The following MPPED2 variants were observed in gnomAD, a reference collection of about 807,000 sequenced individuals.
The protein encoded by MPPED2 is metallophosphoesterase MPPED2.
A neutral mutation model predicts 33.0 loss-of-function variants in MPPED2; 5 were observed. The ratio of observed to expected loss-of-function variants is 0.15; its 90% CI spans 0.08 to 0.32. The LOEUF is 0.32. MPPED2 is among the 10% of genes least tolerant of loss of function. The pLI is 1.00. For synonymous variants in MPPED2, 136 were observed against 141.9 expected (o/e 0.96, Z 0.29); for missense variants, 275 against 372.1 (o/e 0.74, Z 2.15).
At chr11:30,512,454 T>C (rs532351935) in intron 3 of MPPED2, among the ~76,000 whole-genome samples, 3 of 152,170 alleles carry the variant, frequency 2.0e-5, no homozygotes, top group Admixed American at 6.5e-5. Context: ...GAAAAGTTTA[T>C]GAAGAAGTTT....
intron 6 of MPPED2, among the ~76,000 whole-genome samples, chr11:30,403,246 C>CAAAAA (rs757620790): frequency 1.9e-5 from 2 of 107,692 alleles, no homozygotes; most frequent in Non-Finnish European, 3.6e-5. Context: ...GACTCCGTCT[C>CAAAAA]AAAAAAAAAA....
At chr11:30,432,794 A>G (rs1455583944) in intron 4 of MPPED2, among the ~76,000 whole-genome samples, 1 of 152,216 alleles carries the variant, frequency 6.6e-6, no homozygotes, top group Non-Finnish European at 1.5e-5. Context: ...GCTAAAGTAC[A>G]GGTCCCCAAC....
chr11:30,544,323 C>T (rs539492911), intron 2 of MPPED2, among the ~76,000 whole-genome samples: 2 of 152,236 alleles, frequency 1.3e-5, no homozygotes, highest in Admixed American at 6.5e-5. Context: ...TGGGTAATGG[C>T]CTTGCATTTG....
intron 4 of MPPED2, among the ~76,000 whole-genome samples, chr11:30,485,872 C>A (rs1468345676): frequency 6.6e-6 from 1 of 152,152 alleles, no homozygotes; most frequent in Admixed American, 6.5e-5. Flanking sequence ...CACAAAACAG[C>A]CTAGAAGGCA....
At chr11:30,416,375 C>T (rs796126181) in intron 5 of MPPED2, among the ~76,000 whole-genome samples, 4 of 152,198 alleles carry the variant, frequency 2.6e-5, no homozygotes, top group Admixed American at 2.6e-4. Flanking sequence ...AGAAGGAGAG[C>T]AGCACCAAGT....
chr11:30,502,507 C>G (rs1280225477), intron 3 of MPPED2, among the ~76,000 whole-genome samples: 1 of 152,188 alleles, frequency 6.6e-6, no homozygotes, highest in African/African-American at 2.4e-5. Flanking sequence ...GCTACTGCAG[C>G]TGTTGGTACA....
intron 3 of MPPED2, among the ~76,000 whole-genome samples, chr11:30,519,068 G>T (rs1429804763): frequency 6.6e-6 from 1 of 151,940 alleles, no homozygotes; most frequent in African/African-American, 2.4e-5. Flanking sequence ...ATCATTTGAG[G>T]CCAGGAGTTC....
chr11:30,504,890 A>G, intron 3 of MPPED2: 1 of 996,364 alleles, frequency 1.0e-6, no homozygotes. Flanking sequence ...CTGAGCCAGA[A>G]ACCCAGGAGA....
At chr11:30,549,134 C>G (rs7931339) in intron 2 of MPPED2, among the ~76,000 whole-genome samples, 34,873 of 152,158 alleles carry the variant, frequency 0.23, 4,320 homozygotes, top group East Asian at 0.42. Flanking sequence ...CAGTTAGCTC[C>G]CATTCAGTGT....
At chr11:30,436,637 C>T (rs1038126371) in intron 4 of MPPED2, among the ~76,000 whole-genome samples, 1 of 152,142 alleles carries the variant, frequency 6.6e-6, no homozygotes, top group South Asian at 2.1e-4. Context: ...ATTTTGTTTG[C>T]TATTATTATT....
At chr11:30,504,261 T>C (rs1237521609) in intron 3 of MPPED2, among the ~76,000 whole-genome samples, 1 of 152,130 alleles carries the variant, frequency 6.6e-6, no homozygotes, top group Non-Finnish European at 1.5e-5. Context: ...TCTATTTCAC[T>C]GAGGAATGAA....
intron 2 of MPPED2, among the ~76,000 whole-genome samples, chr11:30,575,729 C>T (rs186394778): frequency 1.2e-3 from 187 of 152,328 alleles, no homozygotes; most frequent in Admixed American, 3.7e-3. Flanking sequence ...TGTGATTCCA[C>T]AGACAGCAAC....
At chr11:30,545,941 C>T (rs930289551) in intron 2 of MPPED2, among the ~76,000 whole-genome samples, 2 of 152,274 alleles carry the variant, frequency 1.3e-5, no homozygotes, top group East Asian at 3.9e-4. Context: ...CGGCTCACTG[C>T]AACCACCTCC....
rs11031077 is a variant in MPPED2, at chr11:30,427,186, G to A, written c.537-9553C>T. ...TAAGAAAAAGAGGAAAGGTAGGTTC[G>A]GGAGTAGCTGGATTTTGTCTTGTTA... On this transcript the variant is annotated intron_variant, in intron 4 of 6. Coordinates refer to ENST00000358117, the MANE Select transcript of MPPED2 (RefSeq NM_001584.3). Among the ~76,000 whole-genome samples the A allele has an allele frequency of 0.012, 1,851 of 152,268 alleles. 124 individuals carry two copies. In the East Asian group the frequency reaches 0.21, roughly 17 times the overall value.
In MPPED2 at chr11:30,580,329, C is replaced by T. The variant is rs778963203; in HGVS notation, c.45G>A (p.Val15=). 8.1e-6 allele frequency: 13 copies of T among 1,614,020 alleles called. No individual in the cohort carries two copies. Among genetic ancestry groups the T allele is most frequent in the East Asian group, 2.2e-5 (1 of 44,874 alleles). The part of the protein sequence containing the change: ...IPSQGKVTIT[V]DEYSSNPTQA... ...GGGTGGGGTTTGAGCTGTACTCATCCACCGTTATGGTAACTTTGCCTTGAG... is the reference window on the plus strand; with the variant it reads ...GGGTGGGGTTTGAGCTGTACTCATCTACCGTTATGGTAACTTTGCCTTGAG... The change falls in exon 2 of 7, where the codon GTG becomes GTA. Residue 15 remains valine (V), a synonymous_variant. Transcript: ENST00000358117.
At chr11:30,534,928 C>T (rs965504557) in intron 3 of MPPED2, among the ~76,000 whole-genome samples, 1 of 152,010 alleles carries the variant, frequency 6.6e-6, no homozygotes, top group Non-Finnish European at 1.5e-5. Flanking sequence ...TATGCAAAAA[C>T]GTTTTAAGTC....
intron 3 of MPPED2, among the ~76,000 whole-genome samples, chr11:30,512,522 G>A (rs116643943): frequency 0.012 from 1,759 of 152,186 alleles, 29 homozygotes; most frequent in African/African-American, 0.04. Context: ...TGTTGTGGGG[G>A]GAAGGAGGGA....
At chr11:30,489,910 A>ATTTTTT (rs11411621) in intron 4 of MPPED2, among the ~76,000 whole-genome samples, 1 of 149,092 alleles carries the variant, frequency 6.7e-6, no homozygotes. Flanking sequence ...TAGTATGTGG[A>ATTTTTT]TTTTTTTTTT....
intron 2 of MPPED2, among the ~76,000 whole-genome samples, chr11:30,576,109 T>C (rs1034664252): frequency 5.9e-5 from 9 of 152,244 alleles, no homozygotes; most frequent in African/African-American, 2.2e-4. Context: ...CATTAACATG[T>C]AATACTGTTT....
Sources: gnomAD v4.1 joint callset for allele counts (sites outside exome capture counted in the v4.1 genomes callset) on GRCh38, gnomAD v4.1.1 for gene constraint, MANE v1.5 for transcripts, NCBI Gene and HGNC (gene_info 2026-07-23, HGNC 2026-07-21) for gene names.